The following SCAF11 variants were observed in gnomAD, a reference collection of about 807,000 sequenced individuals.
SCAF11 encodes the protein SR-related CTD associated factor 11, also known as protein SCAF11.
In SCAF11, 47 loss-of-function variants were observed where a neutral mutation model predicts 140.5. The observed-to-expected ratio is 0.33, with a 90% CI of 0.26 to 0.43. The LOEUF (loss-of-function observed/expected upper bound fraction) is 0.43, where lower values mean the gene tolerates loss of function less well. Ranked by LOEUF, SCAF11 falls within the 20% of genes least tolerant of loss-of-function variation. The pLI is 1.00. For missense variants in SCAF11, 1,645 were observed against 1,705.1 expected, an observed-to-expected ratio of 0.96 and a Z score of 0.62; for synonymous variants, 557 against 579.4, an observed-to-expected ratio of 0.96 and a Z score of 0.55.
intron 1 of SCAF11, among the ~76,000 whole-genome samples, chr12:45,969,069 T>C (rs746295593): frequency 1.9e-4 from 29 of 152,200 alleles, no homozygotes; most frequent in Admixed American, 5.2e-4. Context: ...TTTTAAATTT[T>C]TGTGAAGTTT....
intron 4 of SCAF11, 104 bp from the exon 5 acceptor site, chr12:45,948,641 AT>A (rs1429421812): frequency 1.4e-6 from 1 of 711,464 alleles, no homozygotes; most frequent in Non-Finnish European, 2.3e-6. Flanking sequence ...AAACTGTCCA[AT>A]TAAAAAGTGT....
At chr12:45,983,742 A>AAAACACACAC (rs1555172644) in intron 1 of SCAF11, among the ~76,000 whole-genome samples, 2 of 133,906 alleles carry the variant, frequency 1.5e-5, no homozygotes, top group Admixed American at 7.6e-5. Flanking sequence ...CTAAACCTAA[A>AAAACACACAC]ACACACACAC....
chr12:45,938,872 G>T (rs1440391521), intron 6 of SCAF11, among the ~76,000 whole-genome samples: 1 of 148,484 alleles, frequency 6.7e-6, no homozygotes, highest in Non-Finnish European at 1.5e-5. Flanking sequence ...TGCCTGAAAG[G>T]GAGATCCTGT....
intron 1 of SCAF11, among the ~76,000 whole-genome samples, chr12:45,986,391 CT>C (rs1398656765): frequency 6.6e-6 from 1 of 152,098 alleles, no homozygotes; most frequent in Non-Finnish European, 1.5e-5. Flanking sequence ...GCCTGCTGGT[CT>C]CAAATCCCAT....
intron 3 of SCAF11, among the ~76,000 whole-genome samples, chr12:45,957,605 A>C (rs1416693527): frequency 6.6e-6 from 1 of 152,148 alleles, no homozygotes; most frequent in African/African-American, 2.4e-5. Flanking sequence ...ATTTTATACA[A>C]AATGGGTGAT....
In SCAF11 at chr12:45,990,546, G is replaced by C; in HGVS notation, c.-215C>G. ...AGCAGGGAGCGACCCAGGTTGCGCT[G>C]CTCCGCGCGGCTTAAGCCACCGCTA... On this transcript the variant is annotated 5_prime_UTR_variant, in exon 1 of 15. Transcript: ENST00000369367. 8.1e-7 allele frequency: 1 copy of C among 1,231,730 alleles called. No homozygotes were observed. The allele number at this position is 1,231,730 out of a possible 1,614,324, so 76.3% of individuals were successfully genotyped here.
rs1416261171 is a variant in SCAF11 at position 45,926,206 on chromosome 12, T to A, written c.3495A>T (p.Arg1165=). The A allele has an allele frequency of 4.3e-6, 7 of 1,614,222 alleles. No individual in the cohort carries two copies. Among genetic ancestry groups the A allele is most frequent in the Non-Finnish European group, 5.9e-6 (7 of 1,180,026 alleles). ...PADVQNYYSR[R]GRNSSGPQSG... Reference sequence around the variant, plus strand: ...ACTGTGGACCTGAAGAATTTCTGCCTCGTCGTGAGTAGTAGTTTTGTACAT... The same window carrying A: ...ACTGTGGACCTGAAGAATTTCTGCCACGTCGTGAGTAGTAGTTTTGTACAT... The change falls in exon 11 of 15, where the codon CGA becomes CGT. Residue 1165 remains arginine (R), a synonymous_variant. Transcript: ENST00000369367.
At chr12:45,925,165 A>G in intron 11 of SCAF11, 91 bp from the exon 12 acceptor site, 1 of 867,680 alleles carries the variant, frequency 1.2e-6, no homozygotes, top group Non-Finnish European at 1.7e-6. Flanking sequence ...GTAAAATTAA[A>G]TAGCAATTAA....
chr12:45,924,337 T>C (rs540307947), intron 12 of SCAF11, among the ~76,000 whole-genome samples: 36 of 152,274 alleles, frequency 2.4e-4, no homozygotes, highest in South Asian at 2.1e-4. Context: ...CAATAAAAGC[T>C]TCATCACAGT....
intron 3 of SCAF11, among the ~76,000 whole-genome samples, chr12:45,958,197 G>A (rs1489988541): frequency 1.3e-5 from 2 of 152,050 alleles, no homozygotes; most frequent in African/African-American, 2.4e-5. Context: ...GAGCCATCAT[G>A]CCTGGCCAAT....
intron 5 of SCAF11, among the ~76,000 whole-genome samples, chr12:45,947,528 T>C (rs1187385548): frequency 1.3e-5 from 2 of 152,222 alleles, no homozygotes; most frequent in Non-Finnish European, 2.9e-5. Flanking sequence ...TGATGAAGAA[T>C]GTTGTGCTAT....
intron 1 of SCAF11, among the ~76,000 whole-genome samples, chr12:45,984,695 CTTTTT>C (rs539795330): frequency 7.3e-6 from 1 of 136,596 alleles, no homozygotes. Flanking sequence ...TTCGCACTTC[CTTTTT>C]TTTTTTTTTT....
intron 1 of SCAF11, among the ~76,000 whole-genome samples, chr12:45,979,971 G>A (rs1323904761): frequency 6.6e-6 from 1 of 151,954 alleles, no homozygotes; most frequent in Non-Finnish European, 1.5e-5. Context: ...TATCACAAAT[G>A]CTACAAATGC....
At chr12:45,988,498 G>A (rs1946513092) in intron 1 of SCAF11, among the ~76,000 whole-genome samples, 1 of 152,126 alleles carries the variant, frequency 6.6e-6, no homozygotes, top group African/African-American at 2.4e-5. Context: ...GCTCTAGTTG[G>A]TGCCAAAGGA....
intron 1 of SCAF11, among the ~76,000 whole-genome samples, chr12:45,984,213 T>G (rs769581270): frequency 1.3e-5 from 2 of 152,230 alleles, no homozygotes; most frequent in African/African-American, 2.4e-5. Flanking sequence ...CCCCCAGTCT[T>G]GACTTTCATG....
At chr12:45,972,951 GATATATAGATATAT>G (rs1946134560) in intron 1 of SCAF11, among the ~76,000 whole-genome samples, 2 of 111,394 alleles carry the variant, frequency 1.8e-5, no homozygotes, top group African/African-American at 5.8e-5. Flanking sequence ...TATATATATA[GATATATAGATATAT>G]ATATAGATAT....
chr12:45,932,047 A>C (rs1341583053), intron 9 of SCAF11, among the ~76,000 whole-genome samples: 1 of 152,090 alleles, frequency 6.6e-6, no homozygotes, highest in Non-Finnish European at 1.5e-5. Context: ...GTGCATATAT[A>C]TATATATATG....
intron 1 of SCAF11, among the ~76,000 whole-genome samples, chr12:45,976,145 G>T (rs1253681858): frequency 6.6e-6 from 1 of 152,150 alleles, no homozygotes; most frequent in Non-Finnish European, 1.5e-5. Flanking sequence ...CATAAAGGGG[G>T]AAAGGTAAAG....
intron 1 of SCAF11, among the ~76,000 whole-genome samples, chr12:45,981,770 G>C (rs1167166896): frequency 6.6e-6 from 1 of 152,116 alleles, no homozygotes; most frequent in African/African-American, 2.4e-5. Flanking sequence ...ATTCCAGCCA[G>C]GGGACAGAGT....
Sources: gnomAD v4.1 joint callset for allele counts (sites outside exome capture counted in the v4.1 genomes callset) on GRCh38, gnomAD v4.1.1 for gene constraint, MANE v1.5 for transcripts, NCBI Gene and HGNC (gene_info 2026-07-23, HGNC 2026-07-21) for gene names.